The following SERPINB12 variants were observed in gnomAD, a reference collection of about 807,000 sequenced individuals.
SERPINB12 encodes the protein serpin B12.
Under a neutral mutation model 41.1 loss-of-function variants are expected in SERPINB12, and 57 were observed. That is an observed-to-expected ratio of 1.39 (90% confidence interval 1.12 to 1.73). The LOEUF (loss-of-function observed/expected upper bound fraction) is 1.73, where lower values mean the gene tolerates loss of function less well. Among genes scored for constraint, SERPINB12 ranks in the 40% most tolerant of loss-of-function variants. The pLI, the probability that SERPINB12 is intolerant of heterozygous loss-of-function variation, is 0.00. For missense variants in SERPINB12, 536 were observed against 501.9 expected (o/e 1.07, Z -0.65); for synonymous variants, 180 against 181.3 (o/e 0.99, Z 0.06).
intron 6 of SERPINB12, 69 bp from the exon 7 acceptor site, chr18:63,565,376 A>T: frequency 2.8e-6 from 4 of 1,439,112 alleles, no homozygotes; most frequent in Non-Finnish European, 3.8e-6. Flanking sequence ...GTCCTCCGTG[A>T]AGCTGGGGCC....
intron 2 of SERPINB12, 132 bp from the exon 3 acceptor site, chr18:63,558,220 C>T (rs1484013968): frequency 2.8e-6 from 3 of 1,080,078 alleles, no homozygotes; most frequent in Non-Finnish European, 3.9e-6. Flanking sequence ...ACCCACTTTC[C>T]TTTAAACTGT....
At chr18:63,541,138 C>G (rs1339412616), upstream of SERPINB12, among the ~76,000 whole-genome samples, 1 of 152,136 alleles carries the variant, frequency 6.6e-6, no homozygotes, top group Admixed American at 6.6e-5. Flanking sequence ...ATTATATTCT[C>G]AATTATACGA....
the SERPINB12 span, among the ~76,000 whole-genome samples, chr18:63,526,231 C>A: frequency 6.6e-6 from 1 of 152,286 alleles, no homozygotes; most frequent in African/African-American, 2.4e-5. Flanking sequence ...TACATACACA[C>A]AACATGAAAA....
the SERPINB12 span, among the ~76,000 whole-genome samples, chr18:63,536,029 A>G: frequency 6.6e-6 from 1 of 152,044 alleles, no homozygotes; most frequent in Non-Finnish European, 1.5e-5. Flanking sequence ...GAACATATAA[A>G]TATTGTATAT....
intron 5 of SERPINB12, among the ~76,000 whole-genome samples, chr18:63,562,333 G>T (rs970545018): frequency 5.9e-5 from 9 of 152,346 alleles, no homozygotes; most frequent in African/African-American, 2.2e-4. Context: ...GGCTGGCGAA[G>T]GTGTTCGTGT....
At chr18:63,542,636 C>T (rs1395870982) in intron 1 of SERPINB12, among the ~76,000 whole-genome samples, 144 bp downstream of exon 1, 1 of 152,066 alleles carries the variant, frequency 6.6e-6, no homozygotes. Context: ...TTGCTACTTT[C>T]TTTTTTAAAA....
In SERPINB12 at chr18:63,568,434, G is replaced by T. The variant is rs1911187058; in HGVS notation, c.*1423G>T. 6.6e-6 allele frequency among the ~76,000 whole-genome samples: 1 copy of T among 152,010 alleles called. No homozygotes were observed. Among genetic ancestry groups the T allele is most frequent in the South Asian group, 2.1e-4 (1 of 4,826 alleles). On this transcript the variant is annotated 3_prime_UTR_variant, in exon 8 of 8. Transcript: ENST00000382768. ...AGCCAAAACAAAACCTGAAACCCTT[G>T]TCAAGAAGGCCATTGGGCTCATCTC...
chr18:63,562,519 C>T (rs559080328), intron 5 of SERPINB12, among the ~76,000 whole-genome samples: 1 of 152,288 alleles, frequency 6.6e-6, no homozygotes, highest in African/African-American at 2.4e-5. Flanking sequence ...TTCGGTTCCT[C>T]CCTTCCATTT....
At chr18:63,555,309 T>C (rs1910638412) in intron 1 of SERPINB12, among the ~76,000 whole-genome samples, 1 of 152,156 alleles carries the variant, frequency 6.6e-6, no homozygotes, top group Non-Finnish European at 1.5e-5. Context: ...GCTGGGCATA[T>C]CCTCAGTCAC....
rs113936695 is a variant in SERPINB12 at position 63,558,633 on chromosome 18, T to C, written c.303+147T>C. 130 of 910,276 alleles carry C rather than the reference T, an allele frequency of 1.4e-4. 2 individuals are homozygous for C. In the African/African-American group the frequency reaches 1.8e-3, roughly 13 times the overall value. 56.4% of individuals were successfully genotyped at this position (910,276 alleles called of 1,614,324 possible). A position where few individuals can be genotyped will look rare whatever the true frequency, so the allele number is the denominator to read the frequency against. ...ATAACCTCATGTGATCTGTGATTCCTGAGTATGGATCTCAGATGTCCTTGG... is the reference window on the plus strand; with the variant it reads ...ATAACCTCATGTGATCTGTGATTCCCGAGTATGGATCTCAGATGTCCTTGG... On this transcript the variant is annotated intron_variant, in intron 3 of 7. Coordinates refer to ENST00000382768, the MANE Select transcript of SERPINB12 (RefSeq NM_001307928.2).
chr18:63,538,891 G>C (rs1910222433), upstream of SERPINB12, among the ~76,000 whole-genome samples: 1 of 152,156 alleles, frequency 6.6e-6, no homozygotes, highest in South Asian at 2.1e-4. Context: ...ATCCCAGTGT[G>C]TATAAAGCGG....
At position 63,559,604 on chromosome 18, in the gene SERPINB12, A is replaced by G; in HGVS notation, c.330A>G (p.Gly110=). 2 of 1,614,152 alleles carry G rather than the reference A, an allele frequency of 1.2e-6. No homozygotes were observed. The highest frequency in any genetic ancestry group is 2.2e-5 in the South Asian group (2 of 91,066). The change falls in exon 4 of 8, where the codon GGA becomes GGG. Residue 110 remains glycine, a synonymous_variant. Transcript: ENST00000382768. ...CTGGGTCCTTAAACAATGAGAGCGG[A>G]CTGGTCAGCTGCTACTTTGGGCAGC... The part of the protein sequence containing the change: ...QQAGSLNNES[G]LVSCYFGQLL...
the SERPINB12 span, among the ~76,000 whole-genome samples, chr18:63,529,721 T>C: frequency 6.6e-6 from 1 of 151,978 alleles, no homozygotes; most frequent in Non-Finnish European, 1.5e-5. Context: ...GTATGTATAG[T>C]TTGGGGTGGG....
chr18:63,544,164 A>C (rs1397475045), intron 1 of SERPINB12, among the ~76,000 whole-genome samples: 1 of 152,182 alleles, frequency 6.6e-6, no homozygotes, highest in East Asian at 1.9e-4. Flanking sequence ...ATTGTAGAGC[A>C]AAAGCAGCCA....
chr18:63,540,180 G>A (rs1910245607), upstream of SERPINB12, among the ~76,000 whole-genome samples: 1 of 152,156 alleles, frequency 6.6e-6, no homozygotes, highest in Non-Finnish European at 1.5e-5. Context: ...TATGTTAGAG[G>A]AGTTGTACAA....
chr18:63,530,646 T>C, the SERPINB12 span, among the ~76,000 whole-genome samples: 1 of 152,232 alleles, frequency 6.6e-6, no homozygotes, highest in Non-Finnish European at 1.5e-5. Flanking sequence ...TGTCAAGTTA[T>C]GCTTGACAAC....
At chr18:63,540,080 G>A, upstream of SERPINB12, among the ~76,000 whole-genome samples, 1 of 152,196 alleles carries the variant, frequency 6.6e-6, no homozygotes, top group Non-Finnish European at 1.5e-5. Flanking sequence ...TCCATGGTGA[G>A]AGACTAGCTT....
the SERPINB12 span, among the ~76,000 whole-genome samples, chr18:63,521,964 C>T: frequency 6.6e-6 from 1 of 152,168 alleles, no homozygotes; most frequent in Non-Finnish European, 1.5e-5. Context: ...ATAACCAGAA[C>T]TCAAAAGCAA....
At chr18:63,521,903 G>C in the SERPINB12 span, among the ~76,000 whole-genome samples, 1 of 152,306 alleles carries the variant, frequency 6.6e-6, no homozygotes, top group East Asian at 1.9e-4. Context: ...ATTGCAGCTA[G>C]ATATTGGAGG....
Sources: gnomAD v4.1 joint callset for allele counts (sites outside exome capture counted in the v4.1 genomes callset) on GRCh38, gnomAD v4.1.1 for gene constraint, MANE v1.5 for transcripts, NCBI Gene and HGNC (gene_info 2026-07-23, HGNC 2026-07-21) for gene names.